The following INSR variants were observed in gnomAD, a reference collection of about 807,000 sequenced individuals.
The protein encoded by INSR is IR.
A neutral mutation model predicts 142.6 loss-of-function variants in INSR; 67 were observed. That is an observed-to-expected ratio of 0.47 (90% confidence interval 0.39 to 0.58). The LOEUF is 0.58. Ranked by LOEUF, INSR falls within the 20% of genes least tolerant of loss-of-function variation. INSR has a pLI of 0.00. For synonymous variants in INSR, 756 were observed against 743.1 expected (o/e 1.02, Z -0.28); for missense variants, 1,248 against 1,833.2 (o/e 0.68, Z 5.83).
intron 2 of INSR, among the ~76,000 whole-genome samples, chr19:7,198,366 C>G (rs10413831): frequency 6.6e-6 from 1 of 151,916 alleles, no homozygotes; most frequent in Non-Finnish European, 1.5e-5. Context: ...GAGGGCCCCT[C>G]GTGGCTGCAG....
At chr19:7,244,848 T>G (rs957772988) in intron 2 of INSR, among the ~76,000 whole-genome samples, 2 of 152,084 alleles carry the variant, frequency 1.3e-5, no homozygotes, top group African/African-American at 4.8e-5. Context: ...CGAGCTGCAC[T>G]TTTTTTCCTC....
intron 9 of INSR, among the ~76,000 whole-genome samples, chr19:7,155,173 T>C (rs932513846): frequency 6.6e-6 from 1 of 151,750 alleles, no homozygotes; most frequent in Non-Finnish European, 1.5e-5. Context: ...CATATCGTGG[T>C]GTAAAGCAAT....
chr19:7,129,487 G>C (rs918870332), intron 14 of INSR, among the ~76,000 whole-genome samples: 1 of 151,874 alleles, frequency 6.6e-6, no homozygotes, highest in Non-Finnish European at 1.5e-5. Flanking sequence ...ACCACACCCG[G>C]CTAATTTTTG....
chr19:7,168,749 A>G lies in INSR; in HGVS notation c.1484-655T>C, dbSNP rs1316253430. Among the ~76,000 whole-genome samples the G allele has an allele frequency of 6.7e-6, 1 of 149,160 alleles. No homozygotes were observed. The highest frequency in any genetic ancestry group is 2.5e-5 in the African/African-American group (1 of 40,184). ...GTAGCTGGGATTACAGGCACCCACC[A>G]CCACGTCCAGCTAGTTTTTGTATTT... On this transcript the variant is annotated intron_variant, in intron 6 of 21. Transcript: ENST00000302850. The surrounding 1 kb of genome is among the most constrained non-coding windows in gnomAD (Gnocchi z 4.3).
intron 1 of INSR, among the ~76,000 whole-genome samples, chr19:7,273,979 C>T (rs1444449088): frequency 1.3e-5 from 2 of 151,786 alleles, no homozygotes; most frequent in African/African-American, 4.8e-5. Context: ...AGTAACAAAG[C>T]AAGACTCCAT....
intron 10 of INSR, among the ~76,000 whole-genome samples, chr19:7,151,164 C>CTCTCTTTCCT (rs1169790764): frequency 5.9e-4 from 3 of 5,052 alleles, no homozygotes; most frequent in African/African-American, 9.2e-4. Flanking sequence ...CTTTCTTTCT[C>CTCTCTTTCCT]TTTCTTTCTT....
chr19:7,291,828 A>G (rs1968499595), intron 1 of INSR, among the ~76,000 whole-genome samples: 1 of 152,110 alleles, frequency 6.6e-6, no homozygotes, highest in Non-Finnish European at 1.5e-5. Flanking sequence ...TTTTTGAGAC[A>G]GAGTCTCGCT....
chr19:7,116,964 G>A lies in INSR; in HGVS notation c.*92C>T. On this transcript the variant is annotated 3_prime_UTR_variant, in exon 22 of 22. Transcript: ENST00000302850. ...TCTCTGAACTCCATTGGACATGGTA[G>A]AGTCGTGAGAATCCTGAGTTTTCCA... The A allele has an allele frequency of 1.1e-6, 1 of 945,376 alleles. No homozygotes were observed. The highest frequency in any genetic ancestry group is 1.8e-6 in the Non-Finnish European group (1 of 570,120). 58.6% of individuals were successfully genotyped at this position (945,376 alleles called of 1,614,324 possible).
chr19:7,234,972 G>A (rs544728542), intron 2 of INSR, among the ~76,000 whole-genome samples: 72 of 152,050 alleles, frequency 4.7e-4, no homozygotes, highest in African/African-American at 1.6e-3. Context: ...GCAGGAGAAT[G>A]GCGTGAACCC....
chr19:7,226,403 C>G (rs148172441), intron 2 of INSR, among the ~76,000 whole-genome samples: 5 of 108,638 alleles, frequency 4.6e-5, no homozygotes, highest in African/African-American at 1.8e-4. Flanking sequence ...AGTGAGACTC[C>G]GTCTCAAGGG....
chr19:7,230,137 G>T (rs796689238), intron 2 of INSR, among the ~76,000 whole-genome samples: 1 of 151,950 alleles, frequency 6.6e-6, no homozygotes, highest in Admixed American at 6.6e-5. Flanking sequence ...TCAGAGGCTC[G>T]CACAGCACCT....
rs185673833 is a variant in INSR, at chr19:7,194,156, C to G, written c.653-9519G>C. Among the ~76,000 whole-genome samples, 631 of 152,270 alleles carry G rather than the reference C, an allele frequency of 4.1e-3. 11 individuals are homozygous for G. The highest frequency in any genetic ancestry group is 0.015 in the African/African-American group (604 of 41,550). On this transcript the variant is annotated intron_variant, in intron 2 of 21. Transcript: ENST00000302850. Reference sequence around the variant, plus strand: ...TTTGTTGGCTGGGCATGGTGGCTCACGCCTGTAATCCCAGCACTTTGGGAG... The same window carrying G: ...TTTGTTGGCTGGGCATGGTGGCTCAGGCCTGTAATCCCAGCACTTTGGGAG...
intron 1 of INSR, among the ~76,000 whole-genome samples, chr19:7,269,376 A>AACACACACAC (rs60776874): frequency 1.8e-4 from 24 of 134,788 alleles, no homozygotes; most frequent in African/African-American, 5.8e-4. Context: ...AAGTCGAGAA[A>AACACACACAC]ACACACACAC....
chr19:7,241,954 C>G (rs955976715), intron 2 of INSR, among the ~76,000 whole-genome samples: 6 of 151,718 alleles, frequency 4.0e-5, no homozygotes, highest in Non-Finnish European at 7.4e-5. Context: ...GTCAGGAGTT[C>G]GGGACTGGCC....
chr19:7,120,926 G>T (rs548918657), intron 19 of INSR, among the ~76,000 whole-genome samples, 177 bp from the exon 20 acceptor site: 109 of 152,308 alleles, frequency 7.2e-4, no homozygotes, highest in Non-Finnish European at 1.2e-3. Flanking sequence ...GCATGGGGAA[G>T]TGAAGGGGGA....
chr19:7,195,206 C>A (rs945901540), intron 2 of INSR, among the ~76,000 whole-genome samples: 1 of 152,246 alleles, frequency 6.6e-6, no homozygotes, highest in Non-Finnish European at 1.5e-5. Flanking sequence ...TAACATTGCC[C>A]ACAATAGTGG....
intron 14 of INSR, among the ~76,000 whole-genome samples, chr19:7,131,237 G>C (rs192425792): frequency 1.3e-5 from 2 of 152,078 alleles, no homozygotes; most frequent in African/African-American, 2.4e-5. Flanking sequence ...CTTGAGAGTG[G>C]TGGGTGAGAA....
Position 7,225,858 on chromosome 19 carries a change from C to T in INSR, c.653-41221G>A, listed in dbSNP as rs150409075. ...TGTGTTTGCCATGCCTCGGGGGCGG[C>T]GCTCCAGGCATGGAATGGGTGGAAG... On this transcript the variant is annotated intron_variant, in intron 2 of 21. Transcript: ENST00000302850. This position sits in a 1 kb window ranked among gnomAD's most constrained non-coding sequence, Gnocchi z 4.7. Among the ~76,000 whole-genome samples the T allele has an allele frequency of 2.0e-3, 298 of 152,292 alleles. No individual in the cohort carries two copies. Among genetic ancestry groups the T allele is most frequent in the African/African-American group, 6.4e-3 (267 of 41,572 alleles).
At position 7,114,322 on chromosome 19, in the gene INSR, A is replaced by G. The variant is rs748901905; in HGVS notation, c.*2734T>C. 2.0e-5 allele frequency: 3 copies of G among 152,270 alleles called. No individual in the cohort carries two copies. Among genetic ancestry groups the G allele is most frequent in the Admixed American group, 6.5e-5 (1 of 15,284 alleles). 9.4% of individuals were successfully genotyped at this position (152,270 alleles called of 1,614,324 possible). On this transcript the variant is annotated 3_prime_UTR_variant, in exon 22 of 22. Coordinates refer to ENST00000302850, the MANE Select transcript of INSR (RefSeq NM_000208.4). ...TTGCCCCGGCAGCCATCTCTCACCA[A>G]AGGAAGGTACACCTTGCTGGGTTAC...
Sources: allele counts gnomAD v4.1 joint callset (sites outside exome capture counted in the v4.1 genomes callset), GRCh38; gene constraint gnomAD v4.1.1; non-coding constraint Gnocchi (gnomAD v3.1); transcripts MANE v1.5; gene names NCBI Gene and HGNC (gene_info 2026-07-23, HGNC 2026-07-21).